The following MBNL1 variants were observed in gnomAD, a reference collection of about 807,000 sequenced individuals.
The protein encoded by MBNL1 is muscleblind-like protein 1.
MBNL1 carries 8 observed loss-of-function variants against 42.2 expected under a neutral mutation model. The ratio of observed to expected loss-of-function variants is 0.19; its 90% CI spans 0.11 to 0.34. The LOEUF is 0.34. Among genes scored for constraint, MBNL1 ranks in the 10% least tolerant of loss-of-function variants. MBNL1 has a pLI of 1.00. For synonymous variants in MBNL1, 169 were observed against 173.9 expected (o/e 0.97, Z 0.22); for missense variants, 309 against 495.3 (o/e 0.62, Z 3.57).
At chr3:152,339,287 T>C (rs945736230) in intron 2 of MBNL1, among the ~76,000 whole-genome samples, 4 of 152,154 alleles carry the variant, frequency 2.6e-5, no homozygotes, top group African/African-American at 9.7e-5. Flanking sequence ...AAAAAAACTT[T>C]TTGGGAAAAA....
chr3:152,264,605 T>C (rs1452064643), upstream of MBNL1: 3 of 152,118 alleles, frequency 2.0e-5, no homozygotes, highest in African/African-American at 7.2e-5. Flanking sequence ...CCTTAAATAA[T>C]GCACTCCTCT....
chr3:152,460,369 C>T (rs1021787759), intron 9 of MBNL1, among the ~76,000 whole-genome samples: 10 of 149,732 alleles, frequency 6.7e-5, no homozygotes, highest in African/African-American at 2.5e-4. Context: ...AAGTAGTTAC[C>T]TCAGAGGATC....
chr3:152,426,707 A>G (rs1019107972), intron 3 of MBNL1, among the ~76,000 whole-genome samples: 4 of 152,242 alleles, frequency 2.6e-5, no homozygotes, highest in African/African-American at 9.6e-5. Flanking sequence ...TTGGCTATCT[A>G]TAATTTGTGA....
intron 5 of MBNL1, chr3:152,446,807 A>T: frequency 6.6e-7 from 1 of 1,509,628 alleles, no homozygotes. Flanking sequence ...TATTGTAGAT[A>T]CAAGTTTTTT....
chr3:152,255,990 G>T (rs2149452705), intron 2 of MBNL1, among the ~76,000 whole-genome samples: 1 of 152,220 alleles, frequency 6.6e-6, no homozygotes, highest in South Asian at 2.1e-4. Flanking sequence ...GTTGAGAAAG[G>T]GCCAAGTCAC....
At chr3:152,414,711 A>G (rs951431223) in intron 2 of MBNL1, among the ~76,000 whole-genome samples, 5 of 152,214 alleles carry the variant, frequency 3.3e-5, no homozygotes, top group African/African-American at 9.6e-5. Flanking sequence ...TATTAAAATA[A>G]TTGAAACTCT....
intron 2 of MBNL1, among the ~76,000 whole-genome samples, chr3:152,343,394 C>T (rs1404920803): frequency 6.6e-6 from 1 of 152,120 alleles, no homozygotes; most frequent in South Asian, 2.1e-4. Flanking sequence ...TTCTTGAATT[C>T]TTGGAGCTCA....
intron 1 of MBNL1, among the ~76,000 whole-genome samples, chr3:152,274,635 A>G (rs543507394): frequency 1.3e-5 from 2 of 152,196 alleles, no homozygotes; most frequent in South Asian, 4.1e-4. Flanking sequence ...GCAGTATTCT[A>G]TTCAGCAATG....
intron 2 of MBNL1, among the ~76,000 whole-genome samples, chr3:152,309,121 T>C (rs1231065627): frequency 6.6e-6 from 1 of 152,146 alleles, no homozygotes; most frequent in Non-Finnish European, 1.5e-5. Context: ...AAGAAATGGC[T>C]CTGGTGGTTT....
Position 152,441,295 on chromosome 3 carries a change from T to C in MBNL1, c.550-3987T>C, listed in dbSNP as rs148315311. ...ACGTTATTTTGACCATTTTGAAATA[T>C]AGTTTTTCATGTATTAAAAAATTAG... is the stretch of plus-strand genomic sequence containing the variant. On this transcript the variant is annotated intron_variant, in intron 4 of 9. Coordinates refer to ENST00000324210, the MANE Select transcript of MBNL1 (RefSeq NM_021038.5). Among the ~76,000 whole-genome samples, 574 of 152,340 alleles carry C rather than the reference T, an allele frequency of 3.8e-3. 3 individuals carry two copies. Among genetic ancestry groups the C allele is most frequent in the African/African-American group, 0.013 (550 of 41,586 alleles).
chr3:152,350,829 T>C (rs560918426), intron 2 of MBNL1, among the ~76,000 whole-genome samples: 79 of 152,272 alleles, frequency 5.2e-4, no homozygotes, highest in African/African-American at 1.9e-3. Context: ...TATTTTATTT[T>C]AACTTTGACT....
chr3:152,415,732 AC>A (rs1400678584), intron 3 of MBNL1, among the ~76,000 whole-genome samples: 1 of 152,162 alleles, frequency 6.6e-6, no homozygotes, highest in East Asian at 1.9e-4. Flanking sequence ...AAGTTGAAAA[AC>A]TGGGTGGTCA....
intron 9 of MBNL1, among the ~76,000 whole-genome samples, chr3:152,459,902 T>C (rs1741859756): frequency 6.6e-6 from 1 of 151,142 alleles, no homozygotes; most frequent in African/African-American, 2.4e-5. Flanking sequence ...GGCTAAACCT[T>C]AAATGGGACC....
intron 3 of MBNL1, among the ~76,000 whole-genome samples, chr3:152,423,534 A>G (rs1281107183): frequency 6.6e-6 from 1 of 152,198 alleles, no homozygotes; most frequent in Non-Finnish European, 1.5e-5. Context: ...TTCTTTCTGA[A>G]ACTATTCCAA....
At chr3:152,434,306 G>T (rs932971961) in intron 4 of MBNL1, among the ~76,000 whole-genome samples, 1 of 152,196 alleles carries the variant, frequency 6.6e-6, no homozygotes, top group Non-Finnish European at 1.5e-5. Flanking sequence ...ATGTGGTTAT[G>T]TGGTTTCCTG....
At chr3:152,279,920 C>G (rs1251816772) in intron 1 of MBNL1, among the ~76,000 whole-genome samples, 1 of 152,136 alleles carries the variant, frequency 6.6e-6, no homozygotes, top group Non-Finnish European at 1.5e-5. Flanking sequence ...AAAAGATAAG[C>G]TGTTAATTGT....
intron 2 of MBNL1, among the ~76,000 whole-genome samples, chr3:152,370,353 C>G (rs894709468): frequency 5.9e-5 from 9 of 151,944 alleles, no homozygotes; most frequent in Non-Finnish European, 4.4e-5. Context: ...TTGATTGCAC[C>G]AGGGTCCGGG....
At chr3:152,354,452 T>G (rs527524368) in intron 2 of MBNL1, among the ~76,000 whole-genome samples, 20 of 152,258 alleles carry the variant, frequency 1.3e-4, no homozygotes, top group African/African-American at 4.8e-4. Context: ...AAAACCTGCC[T>G]CTTAAAAAAG....
intron 4 of MBNL1, among the ~76,000 whole-genome samples, chr3:152,440,476 T>A (rs2099131777): frequency 6.6e-6 from 1 of 152,118 alleles, no homozygotes; most frequent in African/African-American, 2.4e-5. Flanking sequence ...TTTAAAACCA[T>A]CAGATGTCAT....
Sources: allele counts gnomAD v4.1 joint callset (sites outside exome capture counted in the v4.1 genomes callset), GRCh38; gene constraint gnomAD v4.1.1; transcripts MANE v1.5; gene names NCBI Gene and HGNC (gene_info 2026-07-23, HGNC 2026-07-21).